Variants in PLXDC2 observed in about 807,000 individuals in gnomAD.
PLXDC2 encodes the protein plexin domain containing 2.
Under a neutral mutation model 68.9 loss-of-function variants are expected in PLXDC2, and 40 were observed. The observed-to-expected ratio is 0.58, with a 90% confidence interval of 0.45 to 0.76. PLXDC2 has a LOEUF of 0.76. Among genes scored for constraint, PLXDC2 ranks in the 30% least tolerant of loss-of-function variants. PLXDC2 has a pLI of 0.00. For synonymous variants in PLXDC2, 243 were observed against 234.2 expected, an observed-to-expected ratio of 1.04 and a Z score of -0.34; for missense variants, 644 against 661.9, an observed-to-expected ratio of 0.97 and a Z score of 0.30.
chr10:20,244,974 T>A (rs1375236109), intron 12 of PLXDC2, among the ~76,000 whole-genome samples: 2 of 151,990 alleles, frequency 1.3e-5, no homozygotes, highest in African/African-American at 4.8e-5. Context: ...ATTAGCCGGG[T>A]GTGGTGACTC....
intron 1 of PLXDC2, among the ~76,000 whole-genome samples, chr10:19,906,330 C>T (rs1034997507): frequency 4.6e-5 from 7 of 152,120 alleles, no homozygotes; most frequent in African/African-American, 9.7e-5. Flanking sequence ...TGCCACAGTA[C>T]GCAGGGCCAC....
In PLXDC2 at chr10:20,235,230, T is replaced by G. The variant is rs573936210; in HGVS notation, c.1313-10115T>G. Among the ~76,000 whole-genome samples the G allele has an allele frequency of 6.6e-5, 10 of 152,284 alleles. No homozygotes were observed. The East Asian group carries it at 1.7e-3, about 26-fold the overall frequency. On this transcript the variant is annotated intron_variant, in intron 12 of 13. Coordinates refer to ENST00000377252, the MANE Select transcript of PLXDC2 (RefSeq NM_032812.9). The stretch of plus-strand genomic sequence containing the variant: ...TCCTTGCTTTCACTCAGCATGCCCC[T>G]AAGCTTCCGTGAGGGAATGGATTCC...
chr10:19,890,892 C>T (rs953930723), intron 1 of PLXDC2, among the ~76,000 whole-genome samples: 2 of 151,980 alleles, frequency 1.3e-5, no homozygotes, highest in Non-Finnish European at 2.9e-5. Context: ...ATGCTCCCTG[C>T]TTGTAGAAGC....
intron 1 of PLXDC2, among the ~76,000 whole-genome samples, chr10:19,972,280 C>T (rs761283613): frequency 2.0e-5 from 3 of 152,136 alleles, no homozygotes; most frequent in African/African-American, 7.2e-5. Context: ...AGAATGAAAT[C>T]ATGTCCTTTG....
intron 4 of PLXDC2, among the ~76,000 whole-genome samples, chr10:20,072,796 G>A (rs896390233): frequency 3.9e-5 from 6 of 152,188 alleles, no homozygotes; most frequent in African/African-American, 1.2e-4. Context: ...AAATCACTGT[G>A]GTTGGAAAGA....
At chr10:20,103,741 A>G (rs542108910) in intron 4 of PLXDC2, among the ~76,000 whole-genome samples, 1 of 150,944 alleles carries the variant, frequency 6.6e-6, no homozygotes, top group Non-Finnish European at 1.5e-5. Context: ...TCCTGGGTTC[A>G]AGCAATTCTC....
intron 13 of PLXDC2, among the ~76,000 whole-genome samples, chr10:20,252,880 G>C (rs930723274): frequency 1.3e-5 from 2 of 152,146 alleles, no homozygotes; most frequent in Non-Finnish European, 2.9e-5. Context: ...TTAATTGCTT[G>C]AGCAATGTTA....
chr10:20,081,310 A>T (rs972802237), intron 4 of PLXDC2, among the ~76,000 whole-genome samples: 1 of 152,140 alleles, frequency 6.6e-6, no homozygotes, highest in Non-Finnish European at 1.5e-5. Context: ...GAGGGGGAAA[A>T]ACTATTCCAC....
chr10:19,817,160 C>G lies in PLXDC2; in HGVS notation c.81C>G (p.Phe27Leu). 1 of 1,574,906 alleles carries G rather than the reference C, an allele frequency of 6.3e-7. No individual in the cohort carries two copies. Among genetic ancestry groups the G allele is most frequent in the Non-Finnish European group, 8.6e-7 (1 of 1,156,964 alleles). Residue 27 changes from phenylalanine (F) to leucine (L), a missense_variant, in exon 1 of 14, where the codon TTC becomes TTG. By Grantham distance (22) the Phe-to-Leu change is conservative (BLOSUM62 0). Around this residue, in one of 3 missense-constraint regions of PLXDC2, gnomAD observed 201 missense variants for 166.9 expected, o/e 1.20. Coordinates refer to ENST00000377252, the MANE Select transcript of PLXDC2 (RefSeq NM_032812.9). ...LCHFFTDQFQ[F>L]ADGKPGDQIL... ...ACTTCTTCACGGACCAGTTTCAGTT[C>G]GCCGATGGGAAACCCGGAGACCAAA...
intron 7 of PLXDC2, among the ~76,000 whole-genome samples, chr10:20,171,442 G>A (rs16919993): frequency 6.6e-6 from 1 of 151,824 alleles, no homozygotes; most frequent in Non-Finnish European, 1.5e-5. Context: ...CTCACCAAAG[G>A]CTCAACAAAA....
chr10:20,223,025 A>G (rs1236481181), intron 12 of PLXDC2, among the ~76,000 whole-genome samples: 1 of 152,160 alleles, frequency 6.6e-6, no homozygotes. Context: ...AAAGGAAGAA[A>G]AAGTGGCAGA....
intron 1 of PLXDC2, among the ~76,000 whole-genome samples, chr10:19,973,933 C>A (rs887234372): frequency 1.3e-5 from 2 of 152,066 alleles, no homozygotes; most frequent in Admixed American, 1.3e-4. Context: ...GAATAAGGAG[C>A]TAAAATTAGA....
Position 19,913,345 on chromosome 10 carries a change from G to C in PLXDC2, c.113-88430G>C, listed in dbSNP as rs556093922. Among the ~76,000 whole-genome samples the C allele has an allele frequency of 3.3e-5, 5 of 152,040 alleles. No homozygotes were observed. The South Asian group carries it at 1.0e-3, about 32-fold the overall frequency. On this transcript the variant is annotated intron_variant, in intron 1 of 13. Transcript: ENST00000377252. ...CTCTCCCTTTCCTTCCACCGTGATT[G>C]TAAGTTTCCTGAGACCTCCCCAGCT... is the stretch of plus-strand genomic sequence containing the variant.
intron 4 of PLXDC2, among the ~76,000 whole-genome samples, chr10:20,125,436 A>G (rs1833759958): frequency 6.6e-6 from 1 of 152,184 alleles, no homozygotes; most frequent in South Asian, 2.1e-4. Flanking sequence ...GTAGTCTTGG[A>G]TGAAGGGCTG....
At chr10:19,903,937 G>A (rs1838201254) in intron 1 of PLXDC2, among the ~76,000 whole-genome samples, 1 of 151,828 alleles carries the variant, frequency 6.6e-6, no homozygotes. Flanking sequence ...TTTCATTGTT[G>A]ACCCAATGAT....
intron 4 of PLXDC2, among the ~76,000 whole-genome samples, chr10:20,129,432 C>G (rs1833834802): frequency 6.6e-6 from 1 of 151,846 alleles, no homozygotes; most frequent in South Asian, 2.1e-4. Context: ...TCTCTTGACT[C>G]TGTTGATCGT....
intron 1 of PLXDC2, among the ~76,000 whole-genome samples, chr10:19,867,977 G>A (rs1024888257): frequency 1.3e-5 from 2 of 152,092 alleles, no homozygotes; most frequent in African/African-American, 4.8e-5. Context: ...GTTTCAACTA[G>A]GTTTAAACAA....
At position 20,280,876 on chromosome 10, in the gene PLXDC2, TA is replaced by T. The variant is rs1369888761; in HGVS notation, c.*1059del. On this transcript the variant is annotated 3_prime_UTR_variant, in exon 14 of 14. Transcript: ENST00000377252. The stretch of plus-strand genomic sequence containing the variant: ...GAAAAAACCCTGCTGAATCATACAG[TA>T]ATTTTCTTTAAAGCACATAGTAGTT... The T allele has an allele frequency of 6.6e-6, 1 of 151,978 alleles. No individual in the cohort carries two copies. Among genetic ancestry groups the T allele is most frequent in the Admixed American group, 6.6e-5 (1 of 15,246 alleles). 9.4% of individuals were successfully genotyped at this position (151,978 alleles called of 1,614,324 possible).
chr10:19,968,947 A>G (rs1247586289), intron 1 of PLXDC2, among the ~76,000 whole-genome samples: 1 of 152,200 alleles, frequency 6.6e-6, no homozygotes, highest in Non-Finnish European at 1.5e-5. Context: ...ATCTGTAAGT[A>G]ATCAGTTACT....
Sources: gnomAD v4.1 joint callset for allele counts (sites outside exome capture counted in the v4.1 genomes callset) on GRCh38, gnomAD v4.1.1 for gene constraint, gnomAD v4.1.1 regional missense constraint, MANE v1.5 for transcripts, NCBI Gene and HGNC (gene_info 2026-07-23, HGNC 2026-07-21) for gene names.